Variants in FCHSD2 observed in about 807,000 individuals in gnomAD.
FCHSD2 encodes F-BAR and double SH3 domains protein 2.
A neutral mutation model predicts 108.1 loss-of-function variants in FCHSD2; 38 were observed. The ratio of observed to expected loss-of-function variants is 0.35; its 90% CI spans 0.27 to 0.46. The LOEUF is 0.46. Ranked by LOEUF, FCHSD2 falls within the 20% of genes least tolerant of loss-of-function variation. The pLI, the probability that FCHSD2 is intolerant of heterozygous loss-of-function variation, is 1.00. For missense variants in FCHSD2, 751 were observed against 897.8 expected, an observed-to-expected ratio of 0.84 and a Z score of 2.09; for synonymous variants, 279 against 314.7, an observed-to-expected ratio of 0.89 and a Z score of 1.20.
chr11:72,854,464 C>T (rs1006966322), intron 13 of FCHSD2, among the ~76,000 whole-genome samples: 6 of 152,228 alleles, frequency 3.9e-5, no homozygotes, highest in African/African-American at 1.4e-4. Context: ...CAGGGTCTCG[C>T]TCTGCTGCCC....
intron 3 of FCHSD2, among the ~76,000 whole-genome samples, chr11:73,067,478 T>TA (rs376826474): frequency 0.021 from 3,057 of 144,852 alleles, 91 homozygotes; most frequent in African/African-American, 0.07. Flanking sequence ...TAAAGTATAA[T>TA]AAAAAAAAAA....
At chr11:73,122,993 G>A (rs912387261) in intron 2 of FCHSD2, among the ~76,000 whole-genome samples, 1 of 151,896 alleles carries the variant, frequency 6.6e-6, no homozygotes, top group Non-Finnish European at 1.5e-5. Flanking sequence ...CAACTGTAAG[G>A]AACCTCATCC....
At chr11:72,936,735 T>C (rs1006844439) in intron 8 of FCHSD2, among the ~76,000 whole-genome samples, 1 of 152,258 alleles carries the variant, frequency 6.6e-6, no homozygotes, top group South Asian at 2.1e-4. Flanking sequence ...ACTTCAGTTA[T>C]TGTATTTTTA....
At chr11:72,839,015 C>G in intron 19 of FCHSD2, 141 bp from the exon 20 acceptor site, 1 of 649,984 alleles carries the variant, frequency 1.5e-6, no homozygotes, top group Non-Finnish European at 2.7e-6. Flanking sequence ...TGCTTTCAAC[C>G]TAGTCTTCAC....
chr11:72,949,100 C>T (rs911196856), intron 8 of FCHSD2, among the ~76,000 whole-genome samples: 2 of 152,132 alleles, frequency 1.3e-5, no homozygotes, highest in African/African-American at 2.4e-5. Context: ...TTAGTATATT[C>T]ACAAAGTTGT....
chr11:72,999,706 T>G (rs745474324), intron 5 of FCHSD2, among the ~76,000 whole-genome samples: 1 of 152,160 alleles, frequency 6.6e-6, no homozygotes, highest in Non-Finnish European at 1.5e-5. Context: ...CCAGAGGTAG[T>G]TAAACTCTCT....
chr11:73,087,515 G>C (rs1205171771), intron 2 of FCHSD2, among the ~76,000 whole-genome samples: 1 of 151,934 alleles, frequency 6.6e-6, no homozygotes, highest in Non-Finnish European at 1.5e-5. Context: ...AGACCAGTCT[G>C]CCAACATGGT....
intron 12 of FCHSD2, among the ~76,000 whole-genome samples, chr11:72,876,934 G>T (rs1854982418): frequency 4.6e-5 from 7 of 150,788 alleles, no homozygotes; most frequent in Admixed American, 4.6e-4. Context: ...AATATTCCTT[G>T]TCCTAAAATG....
rs979582947 is a variant in FCHSD2 at position 72,948,398 on chromosome 11, C to T, written c.706-26448G>A. Among the ~76,000 whole-genome samples the T allele has an allele frequency of 8.5e-5, 13 of 152,214 alleles. No individual in the cohort carries two copies. The East Asian group carries it at 1.5e-3, about 18-fold the overall frequency. On this transcript the variant is annotated intron_variant, in intron 8 of 19. Transcript: ENST00000409418. ...GTTTCATTTTTCAACATTTTAGTTG[C>T]TTTCCATTTTTAATCTCATTGTCAT...
chr11:72,941,135 C>A, intron 8 of FCHSD2: 1 of 475,032 alleles, frequency 2.1e-6, no homozygotes, highest in South Asian at 2.8e-5. Context: ...TTGTAAAATT[C>A]ATACCTCATA....
chr11:72,939,353 T>C (rs1394604778), intron 8 of FCHSD2, among the ~76,000 whole-genome samples: 4 of 152,106 alleles, frequency 2.6e-5, no homozygotes, highest in South Asian at 4.1e-4. Context: ...CTGCAACAGA[T>C]TGGGCCTCAA....
rs1447215043 is a variant in FCHSD2 at position 72,947,759 on chromosome 11, A to AATT, written c.706-25810_706-25809insAAT. On this transcript the variant is annotated intron_variant, in intron 8 of 19. Transcript: ENST00000409418. Reference sequence around the variant, plus strand: ...AATATTGAAAACATAATTTTCTCATAAAGAAAATTAAATACAGAAAAATCC... The same window carrying AATT: ...AATATTGAAAACATAATTTTCTCATAATTAAGAAAATTAAATACAGAAAAATCC... Among the ~76,000 whole-genome samples the AATT allele has an allele frequency of 1.2e-3, 3 of 2,538 alleles. No homozygotes were observed. In the East Asian group the frequency reaches 0.039, roughly 33 times the overall value. The allele number at this position is 2,538 out of a possible 152,430, so 1.7% of individuals were successfully genotyped here.
At chr11:72,910,980 C>T (rs1217457661) in intron 9 of FCHSD2, among the ~76,000 whole-genome samples, 2 of 152,030 alleles carry the variant, frequency 1.3e-5, no homozygotes, top group African/African-American at 4.8e-5. Flanking sequence ...CTTTGCTGTG[C>T]AGAAACTTTT....
chr11:72,844,607 C>T (rs1028233687), intron 14 of FCHSD2, among the ~76,000 whole-genome samples: 3 of 152,308 alleles, frequency 2.0e-5, no homozygotes, highest in African/African-American at 4.8e-5. Flanking sequence ...TGCTTCCTAA[C>T]AGTCTTGCCT....
At chr11:72,918,430 G>A (rs114420234) in intron 9 of FCHSD2, among the ~76,000 whole-genome samples, 1 of 152,030 alleles carries the variant, frequency 6.6e-6, no homozygotes, top group African/African-American at 2.4e-5. Flanking sequence ...GTTAATAGCG[G>A]TGGTGAAAAT....
chr11:73,023,052 C>T (rs932865622), intron 3 of FCHSD2, among the ~76,000 whole-genome samples: 3 of 151,994 alleles, frequency 2.0e-5, no homozygotes, highest in African/African-American at 7.3e-5. Flanking sequence ...AAAATTGGCT[C>T]AAAATGATTC....
intron 8 of FCHSD2, among the ~76,000 whole-genome samples, chr11:72,972,911 G>GT (rs781170818): frequency 6.6e-6 from 1 of 152,186 alleles, no homozygotes; most frequent in Non-Finnish European, 1.5e-5. Context: ...TAAAAGGATT[G>GT]TAAGCTGGCA....
chr11:73,134,441 G>C (rs1211461974), intron 2 of FCHSD2, among the ~76,000 whole-genome samples: 3 of 151,984 alleles, frequency 2.0e-5, no homozygotes, highest in Non-Finnish European at 4.4e-5. Context: ...CTGTGCTCCA[G>C]CTTGGGTGAC....
chr11:72,912,770 A>G (rs564883005), intron 9 of FCHSD2, among the ~76,000 whole-genome samples: 1 of 152,306 alleles, frequency 6.6e-6, no homozygotes, highest in African/African-American at 2.4e-5. Flanking sequence ...TTCCTTGCTG[A>G]GAGACTTTCT....
Sources: allele counts gnomAD v4.1 joint callset (sites outside exome capture counted in the v4.1 genomes callset), GRCh38; gene constraint gnomAD v4.1.1; transcripts MANE v1.5; gene names NCBI Gene and HGNC (gene_info 2026-07-23, HGNC 2026-07-21).